C10orf90: variants seen among roughly 807,000 people sequenced by gnomAD.
The protein encoded by C10orf90 is (E2-independent) E3 ubiquitin-conjugating enzyme FATS.
C10orf90 carries 56 observed loss-of-function variants against 62.5 expected under a neutral mutation model. That is an observed-to-expected ratio of 0.90 (90% CI 0.72 to 1.12). The LOEUF (loss-of-function observed/expected upper bound fraction) is 1.12, where lower values mean the gene tolerates loss of function less well. Among genes scored for constraint, C10orf90 ranks in the 50% most tolerant of loss-of-function variants. The pLI is 0.00. For synonymous variants in C10orf90, 386 were observed against 340.4 expected (o/e 1.13, Z -1.47); for missense variants, 970 against 880.4 (o/e 1.10, Z -1.29).
At chr10:126,616,642 C>T (rs1431025720) in intron 2 of C10orf90, among the ~76,000 whole-genome samples, 1 of 152,202 alleles carries the variant, frequency 6.6e-6, no homozygotes. Context: ...TAACTTAACT[C>T]TGGAGGTCAG....
At chr10:126,467,700 C>T (rs938317938) in intron 4 of C10orf90, among the ~76,000 whole-genome samples, 2 of 152,040 alleles carry the variant, frequency 1.3e-5, no homozygotes, top group Admixed American at 6.6e-5. Context: ...GTTGACATGC[C>T]GTAGCGCAAT....
At chr10:126,551,115 T>C (rs971751292) in intron 2 of C10orf90, among the ~76,000 whole-genome samples, 2 of 152,262 alleles carry the variant, frequency 1.3e-5, no homozygotes, top group African/African-American at 2.4e-5. Context: ...TGGATTTAAG[T>C]CCTTGGCTTT....
chr10:126,563,450 G>T (rs1257843925), intron 2 of C10orf90, among the ~76,000 whole-genome samples: 1 of 152,204 alleles, frequency 6.6e-6, no homozygotes, highest in East Asian at 1.9e-4. Context: ...TGGGTGTGCA[G>T]CGTGGGAAAG....
At chr10:126,584,039 G>T (rs1844807534) in intron 2 of C10orf90, among the ~76,000 whole-genome samples, 2 of 152,084 alleles carry the variant, frequency 1.3e-5, no homozygotes, top group Non-Finnish European at 2.9e-5. Context: ...AAAATCACCT[G>T]AGCCCAGGAA....
At chr10:126,606,175 A>T (rs1845307281) in intron 2 of C10orf90, among the ~76,000 whole-genome samples, 1 of 152,224 alleles carries the variant, frequency 6.6e-6, no homozygotes, top group Admixed American at 6.5e-5. Flanking sequence ...GCAACTTCCA[A>T]GACAATACCC....
Position 126,524,510 on chromosome 10 carries a change from C to T in C10orf90, c.314-10571G>A, listed in dbSNP as rs74890432. 5.8e-6 allele frequency: 3 copies of T among 519,006 alleles called. No individual in the cohort carries two copies. The East Asian group carries it at 4.4e-4, about 77-fold the overall frequency. The allele number at this position is 519,006 out of a possible 1,614,324, so 32.2% of individuals were successfully genotyped here. On this transcript the variant is annotated intron_variant, in intron 2 of 9. Coordinates refer to ENST00000488181, the MANE Select transcript of C10orf90 (RefSeq NM_001350921.2). The stretch of plus-strand genomic sequence containing the variant: ...AAGACTAAGAAATTAGGAGCCTCAC[C>T]TAAGCAGAGAGTCAGGGCTTAGGCA...
chr10:126,521,491 T>C (rs1863741457), intron 2 of C10orf90: 2 of 1,440,094 alleles, frequency 1.4e-6, no homozygotes, highest in Non-Finnish European at 9.1e-7. Flanking sequence ...CAAAGCTCTA[T>C]ATGTAATGAA....
At chr10:126,607,252 C>T (rs1845332514) in intron 2 of C10orf90, among the ~76,000 whole-genome samples, 1 of 152,152 alleles carries the variant, frequency 6.6e-6, no homozygotes, top group Admixed American at 6.5e-5. Context: ...CATTGAGTAC[C>T]CTTCATTTTA....
chr10:126,505,166 A>G (rs2133890021), intron 3 of C10orf90, 81 bp from the exon 4 acceptor site: 1 of 1,428,090 alleles, frequency 7.0e-7, no homozygotes. Flanking sequence ...GGCCACCAGG[A>G]TGCCAGAGCA....
At chr10:126,432,189 C>T (rs1478261521) in intron 7 of C10orf90, among the ~76,000 whole-genome samples, 1 of 152,214 alleles carries the variant, frequency 6.6e-6, no homozygotes, top group Non-Finnish European at 1.5e-5. Flanking sequence ...TTGCAAACAG[C>T]TCCCAACCTC....
chr10:126,434,788 G>A (rs900041158), intron 7 of C10orf90, among the ~76,000 whole-genome samples: 2 of 152,138 alleles, frequency 1.3e-5, no homozygotes, highest in Non-Finnish European at 2.9e-5. Flanking sequence ...GCCGCCGGCC[G>A]TTAGAGTAAT....
intron 2 of C10orf90, among the ~76,000 whole-genome samples, chr10:126,526,004 G>A (rs900714106): frequency 1.4e-5 from 2 of 144,550 alleles, no homozygotes; most frequent in Non-Finnish European, 3.0e-5. Flanking sequence ...TGCCTAAATA[G>A]CTTGTCCACA....
chr10:126,512,309 C>G (rs192014325), intron 3 of C10orf90, among the ~76,000 whole-genome samples: 452 of 128,282 alleles, frequency 3.5e-3, no homozygotes, highest in African/African-American at 0.015. Flanking sequence ...GTGTGTGTGT[C>G]TGTGTGTGTG....
intron 7 of C10orf90, among the ~76,000 whole-genome samples, chr10:126,457,704 C>A (rs1307173042): frequency 6.6e-6 from 1 of 152,160 alleles, no homozygotes; most frequent in Non-Finnish European, 1.5e-5. Context: ...GGCACCATCA[C>A]CCAACACTGC....
At chr10:126,427,662 C>A (rs550338120) in intron 8 of C10orf90, among the ~76,000 whole-genome samples, 1 of 152,306 alleles carries the variant, frequency 6.6e-6, no homozygotes, top group South Asian at 2.1e-4. Context: ...CCCCTCCTGC[C>A]GTTGGACATC....
chr10:126,599,825 T>A (rs1845161362), intron 2 of C10orf90, among the ~76,000 whole-genome samples: 1 of 152,196 alleles, frequency 6.6e-6, no homozygotes, highest in Admixed American at 6.5e-5. Context: ...GGTAGGGTAA[T>A]ATCTGGATTA....
At chr10:126,580,512 G>C (rs1487103181) in intron 2 of C10orf90, among the ~76,000 whole-genome samples, 3 of 152,036 alleles carry the variant, frequency 2.0e-5, no homozygotes, top group Non-Finnish European at 4.4e-5. Flanking sequence ...AATCAGCCAG[G>C]CGCAGTGGTG....
At chr10:126,482,836 T>C (rs1176569922) in intron 4 of C10orf90, among the ~76,000 whole-genome samples, 1 of 152,202 alleles carries the variant, frequency 6.6e-6, no homozygotes, top group East Asian at 1.9e-4. Flanking sequence ...GGAGTGTGCA[T>C]TTCCTTGCAG....
intron 4 of C10orf90, among the ~76,000 whole-genome samples, chr10:126,466,894 T>C (rs188142533): frequency 5.9e-5 from 9 of 152,350 alleles, no homozygotes; most frequent in Non-Finnish European, 7.3e-5. Flanking sequence ...TCCAAACTTT[T>C]ATTTCAAAAC....
Sources: gnomAD v4.1 joint callset for allele counts (sites outside exome capture counted in the v4.1 genomes callset) on GRCh38, gnomAD v4.1.1 for gene constraint, MANE v1.5 for transcripts, NCBI Gene and HGNC (gene_info 2026-07-23, HGNC 2026-07-21) for gene names.